Variants in ABHD2 observed in about 807,000 individuals in gnomAD.
The protein encoded by ABHD2 is monoacylglycerol lipase ABHD2.
A neutral mutation model predicts 48.1 loss-of-function variants in ABHD2; 20 were observed. The observed-to-expected ratio is 0.42, with a 90% CI of 0.29 to 0.60. ABHD2 has a LOEUF of 0.60. ABHD2 is among the 20% of genes least tolerant of loss of function. The probability of loss-of-function intolerance (pLI) is 0.24; values close to 1 mark genes in which losing one functional copy is unlikely to be tolerated. For missense variants in ABHD2, 405 were observed against 550.9 expected (o/e 0.74, Z 2.65); for synonymous variants, 209 against 214.2 (o/e 0.98, Z 0.21).
chr15:89,130,628 C>G (rs1239240351), intron 3 of ABHD2, among the ~76,000 whole-genome samples: 1 of 152,140 alleles, frequency 6.6e-6, no homozygotes, highest in Non-Finnish European at 1.5e-5. Flanking sequence ...CAAAATAAGG[C>G]AGGTTGGACA....
intron 1 of ABHD2, among the ~76,000 whole-genome samples, chr15:89,096,371 G>C (rs1010220797): frequency 2.0e-5 from 3 of 152,222 alleles, no homozygotes; most frequent in Non-Finnish European, 4.4e-5. Flanking sequence ...TGCATTTTAA[G>C]AAATAATATA....
At chr15:89,140,477 A>G (rs955985276) in intron 3 of ABHD2, among the ~76,000 whole-genome samples, 1 of 152,170 alleles carries the variant, frequency 6.6e-6, no homozygotes, top group African/African-American at 2.4e-5. Context: ...TTTTAACGTT[A>G]CAATATAGTT....
At chr15:89,141,999 G>A (rs1490219745) in intron 3 of ABHD2, among the ~76,000 whole-genome samples, 2 of 152,320 alleles carry the variant, frequency 1.3e-5, no homozygotes, top group East Asian at 3.9e-4. Flanking sequence ...TATTTTTAAA[G>A]GATGACTAAT....
In ABHD2 at chr15:89,195,713, A is replaced by G. The variant is rs2051390580; in HGVS notation, c.*290A>G. On this transcript the variant is annotated 3_prime_UTR_variant, in exon 11 of 11. Coordinates refer to ENST00000352732, the MANE Select transcript of ABHD2 (RefSeq NM_152924.5). This position sits in a 1 kb window ranked among gnomAD's most constrained non-coding sequence, Gnocchi z 5.1. ...GCATCTGGTTGCTTTTAAGCCAAGT[A>G]CATCTAGTTTCCCTATTAAAAATGT... 2.8e-6 allele frequency: 1 copy of G among 353,484 alleles called. No individual in the cohort carries two copies. Among genetic ancestry groups the G allele is most frequent in the Admixed American group, 4.5e-5 (1 of 22,116 alleles). 21.9% of individuals were successfully genotyped at this position (353,484 alleles called of 1,614,324 possible).
chr15:89,071,265 T>C, the ABHD2 span, among the ~76,000 whole-genome samples: 5 of 151,798 alleles, frequency 3.3e-5, no homozygotes, highest in Admixed American at 1.3e-4. Context: ...ACTAAAAATA[T>C]AAAAAATTAG....
intron 1 of ABHD2, among the ~76,000 whole-genome samples, chr15:89,099,329 G>A (rs2049663738): frequency 6.6e-6 from 1 of 152,184 alleles, no homozygotes; most frequent in Admixed American, 6.5e-5. Context: ...CAGGCTCAGT[G>A]GCTCATACCT....
chr15:89,061,533 C>T, the ABHD2 span, among the ~76,000 whole-genome samples: 1 of 152,050 alleles, frequency 6.6e-6, no homozygotes, highest in Non-Finnish European at 1.5e-5. Flanking sequence ...TGTAATAAAC[C>T]CGCACATATA....
At position 89,151,945 on chromosome 15, in the gene ABHD2, A is replaced by T; in HGVS notation, c.370+93A>T. The T allele has an allele frequency of 6.8e-7, 1 of 1,472,406 alleles. No individual in the cohort carries two copies. The highest frequency in any genetic ancestry group is 9.1e-7 in the Non-Finnish European group (1 of 1,095,862). The allele number at this position is 1,472,406 out of a possible 1,614,324, so 91.2% of individuals were successfully genotyped here. On this transcript the variant is annotated intron_variant, in intron 4 of 10. Transcript: ENST00000352732. This position sits in a 1 kb window ranked among gnomAD's most constrained non-coding sequence, Gnocchi z 4.7. ...AGCAGTGTGAATACTTGTGCCACTG[A>T]CTCTGCCCATGGCATCAGGGGCTGT...
At chr15:89,141,557 C>T (rs930795515) in intron 3 of ABHD2, among the ~76,000 whole-genome samples, 12 of 152,086 alleles carry the variant, frequency 7.9e-5, no homozygotes, top group African/African-American at 2.2e-4. Flanking sequence ...CGCTTGAACC[C>T]GGGAGATGGA....
chr15:89,074,636 A>G, the ABHD2 span, among the ~76,000 whole-genome samples: 1 of 152,186 alleles, frequency 6.6e-6, no homozygotes, highest in South Asian at 2.1e-4. Flanking sequence ...AGTGGCTGCT[A>G]TGACTCCTCC....
chr15:89,116,414 C>T lies in ABHD2; in HGVS notation c.87C>T (p.Ile29=), dbSNP rs767077041. 5.0e-6 allele frequency: 8 copies of T among 1,614,080 alleles called. No individual in the cohort carries two copies. The highest frequency in any genetic ancestry group is 4.5e-5 in the East Asian group (2 of 44,892). The stretch of plus-strand genomic sequence containing the variant: ...CAGTGGCTGCTGTGCTGTACGTGAT[C>T]GTCCGGTGTTTGAACCTGAAGAGCC... ...LAAVAAVLYV[I]VRCLNLKSPT... is the part of the protein sequence containing the mutation. Residue 29 remains isoleucine, a synonymous_variant, in exon 3 of 11, where the codon ATC becomes ATT. Transcript: ENST00000352732. The surrounding 1 kb of genome is among the most constrained non-coding windows in gnomAD (Gnocchi z 4.6).
the ABHD2 span, among the ~76,000 whole-genome samples, chr15:89,061,733 T>G: frequency 6.6e-6 from 1 of 152,008 alleles, no homozygotes; most frequent in African/African-American, 2.4e-5. Context: ...CCACCACACC[T>G]GGCTAATTTT....
chr15:89,086,443 C>G (rs1901345560), upstream of ABHD2, among the ~76,000 whole-genome samples: 1 of 152,142 alleles, frequency 6.6e-6, no homozygotes, highest in Non-Finnish European at 1.5e-5. Flanking sequence ...CAAACAAGGT[C>G]TCACTCTGTG....
chr15:89,120,843 C>A lies in ABHD2; in HGVS notation c.194+4322C>A, dbSNP rs762378181. ...TCAGTTTTTAGCAGAAAACCTCCCA[C>A]GTGAAAAAAAAAATTATAATTCTAC... On this transcript the variant is annotated intron_variant, in intron 3 of 10. Transcript: ENST00000352732. The surrounding 1 kb of genome is among the most constrained non-coding windows in gnomAD (Gnocchi z 4.2). 7.7e-6 allele frequency: 1 copy of A among 130,514 alleles called. No homozygotes were observed. The highest frequency in any genetic ancestry group is 2.6e-5 in the African/African-American group (1 of 38,314). The allele number at this position is 130,514 out of a possible 1,614,324, so 8.1% of individuals were successfully genotyped here.
chr15:89,117,998 T>C (rs1317083828), intron 3 of ABHD2, among the ~76,000 whole-genome samples: 1 of 152,116 alleles, frequency 6.6e-6, no homozygotes, highest in African/African-American at 2.4e-5. Flanking sequence ...CATACTGAAT[T>C]TGGAACTGCC....
chr15:89,046,666 T>C, the ABHD2 span, among the ~76,000 whole-genome samples: 5 of 152,344 alleles, frequency 3.3e-5, no homozygotes, highest in East Asian at 9.6e-4. Flanking sequence ...TTCTTCTAGA[T>C]TTTCTAGTTT....
chr15:89,194,155 G>A lies in ABHD2; in HGVS notation c.1081+836G>A, dbSNP rs117936332. Among the ~76,000 whole-genome samples the A allele has an allele frequency of 3.3e-3, 498 of 152,066 alleles. 5 individuals are homozygous for A. Among genetic ancestry groups the A allele is most frequent in the South Asian group, 0.015 (73 of 4,814 alleles). On this transcript the variant is annotated intron_variant, in intron 10 of 10. Coordinates refer to ENST00000352732, the MANE Select transcript of ABHD2 (RefSeq NM_152924.5). The stretch of plus-strand genomic sequence containing the variant: ...CTTGAAAAGCAAAACAAAAAATCCG[G>A]TTCTGCTATCTCTTGTGACAGCCTC...
Position 89,135,143 on chromosome 15 carries a change from C to CTTTTCTTTT in ABHD2, c.195-16530_195-16529insCTTTTTTTT, listed in dbSNP as rs1555429068. 9.9e-3 allele frequency among the ~76,000 whole-genome samples: 1,105 copies of CTTTTCTTTT among 112,010 alleles called. 51 individuals carry two copies. Among genetic ancestry groups the CTTTTCTTTT allele is most frequent in the Admixed American group, 0.051 (551 of 10,774 alleles). 73.5% of individuals were successfully genotyped at this position (112,010 alleles called of 152,430 possible). ...GTCAACAAAATGGCTACAACTTTTT[C>CTTTTCTTTT]TTTTTTTTTTTTTTTTTTGCAATTA... On this transcript the variant is annotated intron_variant, in intron 3 of 10. Coordinates refer to ENST00000352732, the MANE Select transcript of ABHD2 (RefSeq NM_152924.5).
chr15:89,188,736 G>A lies in ABHD2; in HGVS notation c.926+433G>A, dbSNP rs1440481722. On this transcript the variant is annotated intron_variant, in intron 8 of 10. Transcript: ENST00000352732. This position sits in a 1 kb window ranked among gnomAD's most constrained non-coding sequence, Gnocchi z 4.1. The stretch of plus-strand genomic sequence containing the variant: ...TAACAAGAGTAGAAAAACTGGCTGG[G>A]GGCAGTGTCTCATGCCTGTAATCCT... 6.6e-6 allele frequency among the ~76,000 whole-genome samples: 1 copy of A among 152,080 alleles called. No individual in the cohort carries two copies. The highest frequency in any genetic ancestry group is 1.5e-5 in the Non-Finnish European group (1 of 68,022).
Sources: gnomAD v4.1 joint callset for allele counts (sites outside exome capture counted in the v4.1 genomes callset) on GRCh38, gnomAD v4.1.1 for gene constraint, Gnocchi (gnomAD v3.1) non-coding constraint, MANE v1.5 for transcripts, NCBI Gene and HGNC (gene_info 2026-07-23, HGNC 2026-07-21) for gene names.